TBC1D5: variants seen among roughly 807,000 people sequenced by gnomAD.
TBC1D5 encodes the protein TBC1 domain family, member 5.
A neutral mutation model predicts 100.3 loss-of-function variants in TBC1D5; 75 were observed. That is an observed-to-expected ratio of 0.75 (90% confidence interval 0.62 to 0.91). TBC1D5 has a LOEUF of 0.91. Ranked by LOEUF, TBC1D5 falls within the 40% of genes least tolerant of loss-of-function variation. TBC1D5 has a pLI of 0.00. For missense variants in TBC1D5, 910 were observed against 942.4 expected (o/e 0.97, Z 0.45); for synonymous variants, 323 against 325.6 (o/e 0.99, Z 0.09).
At chr3:17,588,114 C>A (rs1294297466) in intron 2 of TBC1D5, among the ~76,000 whole-genome samples, 1 of 152,122 alleles carries the variant, frequency 6.6e-6, no homozygotes, top group Non-Finnish European at 1.5e-5. Flanking sequence ...TTTCTAAATA[C>A]ATACTTTAGA....
intron 1 of TBC1D5, among the ~76,000 whole-genome samples, chr3:17,710,994 G>T (rs2074678068): frequency 6.6e-6 from 1 of 152,054 alleles, no homozygotes; most frequent in Admixed American, 6.5e-5. Context: ...ACCATACACG[G>T]TCTGTTTTCA....
chr3:17,363,594 G>C (rs1330324637), intron 13 of TBC1D5, among the ~76,000 whole-genome samples: 2 of 149,416 alleles, frequency 1.3e-5, no homozygotes, highest in African/African-American at 4.9e-5. Flanking sequence ...TTTTTGGGTA[G>C]AGACAAGGGT....
intron 3 of TBC1D5, among the ~76,000 whole-genome samples, chr3:17,454,207 G>A (rs1334328028): frequency 6.6e-6 from 1 of 152,130 alleles, no homozygotes; most frequent in African/African-American, 2.4e-5. Context: ...TTAAGATCTA[G>A]AAGACAACAA....
At chr3:17,732,546 C>T (rs1011055957) in intron 1 of TBC1D5, among the ~76,000 whole-genome samples, 2 of 151,500 alleles carry the variant, frequency 1.3e-5, no homozygotes, top group African/African-American at 4.9e-5. Flanking sequence ...GAGATGGCCA[C>T]CAGAAGAGAT....
intron 19 of TBC1D5, among the ~76,000 whole-genome samples, chr3:17,168,918 C>A (rs2066904589): frequency 6.6e-6 from 1 of 152,118 alleles, no homozygotes; most frequent in South Asian, 2.1e-4. Context: ...GCTAATATAC[C>A]ACTCCTCACT....
rs369061656 is a variant in TBC1D5, at chr3:17,161,135, C to T, written c.2216G>A (p.Arg739His). ...TTTCCCAGAGGTGCTTCTGAGGGTGCGAAGAGGCTGGGCCTGGCCGGAGAA... is the reference window on the plus strand; with the variant it reads ...TTTCCCAGAGGTGCTTCTGAGGGTGTGAAGAGGCTGGGCCTGGCCGGAGAA... The change falls in exon 22 of 22, where the codon CGC (arginine) becomes CAC (histidine). Residue 739 changes from arginine to histidine, a missense_variant. By Grantham distance (29) the Arg-to-His change is conservative (BLOSUM62 0). Transcript: ENST00000253692. The T allele has an allele frequency of 4.3e-5, 69 of 1,614,168 alleles. 1 individual carries two copies. In the Middle Eastern group the frequency reaches 4.9e-4, roughly 12 times the overall value.
intron 3 of TBC1D5, among the ~76,000 whole-genome samples, chr3:17,470,151 T>A (rs1299262388): frequency 6.6e-6 from 1 of 152,236 alleles, no homozygotes; most frequent in East Asian, 1.9e-4. Flanking sequence ...TACTTGCATA[T>A]TCCTTTACTA....
At chr3:17,492,979 T>C (rs932927418) in intron 3 of TBC1D5, among the ~76,000 whole-genome samples, 9 of 152,352 alleles carry the variant, frequency 5.9e-5, no homozygotes, top group Middle Eastern at 3.4e-3. Flanking sequence ...CCTGTCATCA[T>C]GATGCTTGCT....
At chr3:17,406,585 G>C (rs761754190) in intron 4 of TBC1D5, 59 bp from the exon 5 acceptor site, 5 of 1,473,648 alleles carry the variant, frequency 3.4e-6, no homozygotes, top group Non-Finnish European at 4.7e-6. Context: ...TGCTTGGAGA[G>C]AAGTTCTACG....
intron 5 of TBC1D5, among the ~76,000 whole-genome samples, 170 bp from the exon 6 acceptor site, chr3:17,405,131 A>G (rs1029918004): frequency 1.3e-5 from 2 of 152,246 alleles, no homozygotes; most frequent in African/African-American, 2.4e-5. Context: ...TAAGAAATAT[A>G]TAATCAGAAA....
At chr3:17,294,774 T>C (rs867869045) in intron 14 of TBC1D5, among the ~76,000 whole-genome samples, 7 of 152,342 alleles carry the variant, frequency 4.6e-5, no homozygotes, top group South Asian at 2.1e-4. Flanking sequence ...ATGGTATCTC[T>C]AATTTGCTAA....
At chr3:17,670,404 T>C (rs933484807) in intron 1 of TBC1D5, among the ~76,000 whole-genome samples, 15 of 152,236 alleles carry the variant, frequency 9.9e-5, no homozygotes, top group African/African-American at 3.4e-4. Flanking sequence ...TGTTTCAAGA[T>C]TGCTAGAACC....
At chr3:17,536,807 T>C (rs776688901) in intron 2 of TBC1D5, among the ~76,000 whole-genome samples, 20 of 152,226 alleles carry the variant, frequency 1.3e-4, no homozygotes, top group Admixed American at 1.2e-3. Flanking sequence ...TTAGGGATTC[T>C]TTAGGTGGCA....
chr3:17,305,756 C>G (rs1369139055), intron 14 of TBC1D5, among the ~76,000 whole-genome samples: 1 of 152,172 alleles, frequency 6.6e-6, no homozygotes, highest in Non-Finnish European at 1.5e-5. Flanking sequence ...TTCCCATTCT[C>G]CCTCTCCTAT....
chr3:17,397,282 A>C (rs2093532965), intron 8 of TBC1D5, among the ~76,000 whole-genome samples: 1 of 152,164 alleles, frequency 6.6e-6, no homozygotes, highest in Admixed American at 6.6e-5. Flanking sequence ...TATAAGACTT[A>C]AAAAACTGAG....
At chr3:17,610,640 T>G (rs982374576) in intron 2 of TBC1D5, among the ~76,000 whole-genome samples, 2 of 152,348 alleles carry the variant, frequency 1.3e-5, no homozygotes, top group South Asian at 4.1e-4. Context: ...TATGTCTCTA[T>G]GTAAAGATGG....
intron 2 of TBC1D5, among the ~76,000 whole-genome samples, chr3:17,571,700 C>T (rs999289273): frequency 3.9e-5 from 6 of 151,978 alleles, no homozygotes; most frequent in African/African-American, 1.2e-4. Flanking sequence ...CACCTAATTT[C>T]CTGAAGGCAG....
At chr3:17,531,047 CCT>C (rs779497069) in intron 2 of TBC1D5, among the ~76,000 whole-genome samples, 67 of 152,242 alleles carry the variant, frequency 4.4e-4, no homozygotes, top group Admixed American at 1.3e-3. Context: ...TCAAATTGTC[CCT>C]GTTTGCAGAT....
intron 1 of TBC1D5, among the ~76,000 whole-genome samples, chr3:17,711,661 T>C (rs1359881321): frequency 2.6e-5 from 4 of 152,248 alleles, no homozygotes; most frequent in African/African-American, 9.6e-5. Flanking sequence ...TTAAATATTA[T>C]GTTTCTAAGA....
Sources: gnomAD v4.1 joint callset for allele counts (sites outside exome capture counted in the v4.1 genomes callset) on GRCh38, gnomAD v4.1.1 for gene constraint, MANE v1.5 for transcripts, NCBI Gene and HGNC (gene_info 2026-07-23, HGNC 2026-07-21) for gene names.